The following TMEM51 variants were observed in gnomAD, a reference collection of about 807,000 sequenced individuals.
TMEM51 encodes transmembrane protein 51.
Under a neutral mutation model 13.6 loss-of-function variants are expected in TMEM51, and 8 were observed. The ratio of observed to expected loss-of-function variants is 0.59; its 90% CI spans 0.35 to 1.07. The LOEUF (loss-of-function observed/expected upper bound fraction) is 1.07. Among genes scored for constraint, TMEM51 ranks in the 50% least tolerant of loss-of-function variants. The probability of loss-of-function intolerance (pLI) is 0.02; values close to 1 mark genes in which losing one functional copy is unlikely to be tolerated. For synonymous variants in TMEM51, 147 were observed against 144.4 expected (o/e 1.02, Z -0.13); for missense variants, 279 against 330.7 (o/e 0.84, Z 1.21).
chr1:15,214,168 G>T (rs1219467681), intron 2 of TMEM51, among the ~76,000 whole-genome samples: 1 of 152,096 alleles, frequency 6.6e-6, no homozygotes, highest in Non-Finnish European at 1.5e-5. Context: ...CCTGCTGTGT[G>T]CCAGGCTTAG....
At chr1:15,187,885 C>T (rs1278342610) in intron 1 of TMEM51, among the ~76,000 whole-genome samples, 1 of 152,146 alleles carries the variant, frequency 6.6e-6, no homozygotes, top group Non-Finnish European at 1.5e-5. Context: ...TGACTCTCAG[C>T]CCCCATTCCT....
At chr1:15,169,347 C>T (rs1384018473) in intron 1 of TMEM51, among the ~76,000 whole-genome samples, 1 of 151,910 alleles carries the variant, frequency 6.6e-6, no homozygotes, top group African/African-American at 2.4e-5. Flanking sequence ...GAATCAAGCT[C>T]TTCTTTTTAA....
intron 1 of TMEM51, among the ~76,000 whole-genome samples, chr1:15,194,128 T>G (rs1161691526): frequency 6.6e-6 from 1 of 152,186 alleles, no homozygotes; most frequent in Non-Finnish European, 1.5e-5. Context: ...CCTTGAAAGT[T>G]TACCTCCTGC....
chr1:15,215,332 G>T lies in TMEM51; in HGVS notation c.245G>T (p.Cys82Phe), dbSNP rs529430855. 3 of 1,614,028 alleles carry T rather than the reference G, an allele frequency of 1.9e-6. No homozygotes were observed. The highest frequency in any genetic ancestry group is 4.5e-5 in the East Asian group (2 of 44,886). Residue 82 changes from cysteine (C) to phenylalanine (F), a missense_variant, in exon 3 of 4, where the codon TGC becomes TTC. Cys to Phe is a radical substitution (Grantham distance 205). Coordinates refer to ENST00000376008, the MANE Select transcript of TMEM51 (RefSeq NM_001136218.2). Reference sequence around the variant, plus strand: ...GTGATGCTGCTGCTGCTTTCTATCTGCCTGAGTATCAGGGATAAGAGGAAG... The same window carrying T: ...GTGATGCTGCTGCTGCTTTCTATCTTCCTGAGTATCAGGGATAAGAGGAAG... Reference protein sequence around the residue: ...AGVMLLLLSICLSIRDKRKQR... With the variant: ...AGVMLLLLSIFLSIRDKRKQR...
chr1:15,200,689 C>T (rs1374563812), intron 1 of TMEM51, among the ~76,000 whole-genome samples: 1 of 152,178 alleles, frequency 6.6e-6, no homozygotes, highest in Non-Finnish European at 1.5e-5. Flanking sequence ...TTCCCCTCCC[C>T]TTCCCTGCAA....
chr1:15,165,444 G>C (rs1642962705), intron 1 of TMEM51, among the ~76,000 whole-genome samples: 1 of 152,166 alleles, frequency 6.6e-6, no homozygotes, highest in Admixed American at 6.5e-5. Context: ...TGTTTTAAAA[G>C]TTTTAAAATT....
intron 1 of TMEM51, among the ~76,000 whole-genome samples, chr1:15,204,490 G>A (rs1044683920): frequency 1.3e-5 from 2 of 152,230 alleles, no homozygotes; most frequent in African/African-American, 4.8e-5. Context: ...GGAAGGCAGA[G>A]GTTGCAGTGA....
At chr1:15,181,004 G>GGTC (rs1231337444) in intron 1 of TMEM51, among the ~76,000 whole-genome samples, 1 of 152,174 alleles carries the variant, frequency 6.6e-6, no homozygotes, top group Non-Finnish European at 1.5e-5. Flanking sequence ...CTGCAGACTG[G>GGTC]ACGGAGAATC....
chr1:15,166,765 T>A (rs1643013484), intron 1 of TMEM51, among the ~76,000 whole-genome samples: 1 of 152,098 alleles, frequency 6.6e-6, no homozygotes, highest in Admixed American at 6.6e-5. Flanking sequence ...GTATTTTATA[T>A]ATATGTATGT....
chr1:15,216,995 A>C (rs1387768472), intron 3 of TMEM51, among the ~76,000 whole-genome samples: 1 of 152,090 alleles, frequency 6.6e-6, no homozygotes, highest in Non-Finnish European at 1.5e-5. Flanking sequence ...TGTTGTTTGA[A>C]TTTTCTACAA....
intron 2 of TMEM51, among the ~76,000 whole-genome samples, chr1:15,212,378 T>C (rs564974438): frequency 6.6e-6 from 1 of 152,300 alleles, no homozygotes; most frequent in East Asian, 1.9e-4. Context: ...AGCCTGTCTT[T>C]CTCTCGTGCA....
At chr1:15,185,736 T>C (rs1267224968) in intron 1 of TMEM51, among the ~76,000 whole-genome samples, 2 of 152,230 alleles carry the variant, frequency 1.3e-5, no homozygotes, top group Non-Finnish European at 2.9e-5. Context: ...TTCTGTAGTC[T>C]GGGAAGACCA....
At chr1:15,158,997 A>C (rs1257290518) in intron 1 of TMEM51, among the ~76,000 whole-genome samples, 2 of 152,196 alleles carry the variant, frequency 1.3e-5, no homozygotes, top group Non-Finnish European at 2.9e-5. Flanking sequence ...CTCCTCCTGC[A>C]TGGTAAGAAC....
At chr1:15,206,080 C>T (rs767709791) in intron 1 of TMEM51, among the ~76,000 whole-genome samples, 45 of 152,056 alleles carry the variant, frequency 3.0e-4, no homozygotes, top group Non-Finnish European at 6.2e-4. Flanking sequence ...CTACAAAAGA[C>T]GCAAAAAATA....
At chr1:15,192,418 C>T in intron 1 of TMEM51, 1 of 378,382 alleles carries the variant, frequency 2.6e-6, no homozygotes, top group Non-Finnish European at 5.2e-6. Context: ...CAGCGTTTGG[C>T]AGTGCTACTT....
At chr1:15,168,298 G>A (rs1335834107) in intron 1 of TMEM51, among the ~76,000 whole-genome samples, 2 of 152,164 alleles carry the variant, frequency 1.3e-5, no homozygotes, top group African/African-American at 4.8e-5. Context: ...GCATTTTTCT[G>A]TGGCAGGTCA....
At chr1:15,200,407 CAA>C (rs55755539) in intron 1 of TMEM51, among the ~76,000 whole-genome samples, 8,724 of 66,920 alleles carry the variant, frequency 0.13, 127 homozygotes, top group South Asian at 0.22. Context: ...GACTCTGTCT[CAA>C]AAAAAAAAAA....
intron 1 of TMEM51, among the ~76,000 whole-genome samples, chr1:15,183,845 A>G (rs925904433): frequency 6.6e-6 from 1 of 152,230 alleles, no homozygotes; most frequent in African/African-American, 2.4e-5. Context: ...CGGTTTGGAA[A>G]GCCTCACTGT....
intron 1 of TMEM51, chr1:15,168,401 T>TC: frequency 1.6e-6 from 2 of 1,220,012 alleles, no homozygotes; most frequent in Non-Finnish European, 2.1e-6. Context: ...GTAGAGGCAA[T>TC]CTTTTACAGA....
Sources: gnomAD v4.1 joint callset for allele counts (sites outside exome capture counted in the v4.1 genomes callset) on GRCh38, gnomAD v4.1.1 for gene constraint, MANE v1.5 for transcripts, NCBI Gene and HGNC (gene_info 2026-07-23, HGNC 2026-07-21) for gene names.